The following RNF150 variants were observed in gnomAD, a reference collection of about 807,000 sequenced individuals.
RNF150 encodes the protein ring finger protein 150.
A neutral mutation model predicts 39.3 loss-of-function variants in RNF150; 24 were observed. The ratio of observed to expected loss-of-function variants is 0.61; its 90% CI spans 0.44 to 0.86. The LOEUF is 0.86. Among genes scored for constraint, RNF150 ranks in the 40% least tolerant of loss-of-function variants. The pLI, the probability that RNF150 is intolerant of heterozygous loss-of-function variation, is 0.00. For missense variants in RNF150, 502 were observed against 587.8 expected (o/e 0.85, Z 1.51); for synonymous variants, 255 against 227.3 (o/e 1.12, Z -1.10).
intron 1 of RNF150, among the ~76,000 whole-genome samples, chr4:140,974,474 T>G (rs1176166913): frequency 6.6e-6 from 1 of 152,202 alleles, no homozygotes; most frequent in Non-Finnish European, 1.5e-5. Flanking sequence ...TGAACATTAG[T>G]TTTTGGATGA....
chr4:140,974,695 A>G (rs1222131648), intron 1 of RNF150, among the ~76,000 whole-genome samples: 4 of 152,142 alleles, frequency 2.6e-5, no homozygotes, highest in Admixed American at 1.3e-4. Flanking sequence ...AGCCATCCTG[A>G]GAGGTGTACA....
At chr4:141,053,232 A>G (rs1192604377) in intron 1 of RNF150, among the ~76,000 whole-genome samples, 3 of 152,192 alleles carry the variant, frequency 2.0e-5, no homozygotes, top group Non-Finnish European at 4.4e-5. Flanking sequence ...CATACTCGAT[A>G]CAGATCACTG....
intron 1 of RNF150, among the ~76,000 whole-genome samples, chr4:141,125,787 C>A (rs1432425972): frequency 6.6e-6 from 1 of 152,072 alleles, no homozygotes; most frequent in Non-Finnish European, 1.5e-5. Flanking sequence ...AAATTACTTC[C>A]TTTTTGAGAA....
At chr4:141,032,540 A>G (rs747448192) in intron 1 of RNF150, among the ~76,000 whole-genome samples, 27 of 152,292 alleles carry the variant, frequency 1.8e-4, no homozygotes, top group Non-Finnish European at 3.4e-4. Flanking sequence ...AGGGTATACC[A>G]AAACATCACA....
chr4:140,928,703 C>T (rs1160251616), intron 4 of RNF150, among the ~76,000 whole-genome samples: 3 of 152,226 alleles, frequency 2.0e-5, no homozygotes, highest in East Asian at 1.9e-4. Flanking sequence ...CCTGCCACCA[C>T]GCCCAGCTAT....
At chr4:141,162,635 G>A (rs1334937333) in intron 1 of RNF150, among the ~76,000 whole-genome samples, 2 of 152,036 alleles carry the variant, frequency 1.3e-5, no homozygotes, top group Non-Finnish European at 2.9e-5. Context: ...TGGTTAGAGA[G>A]TGGGTGCAGC....
Position 140,911,201 on chromosome 4 carries a change from C to T in RNF150, c.1141G>A (p.Val381Met). 6.2e-7 allele frequency: 1 copy of T among 1,614,184 alleles called. No homozygotes were observed. Among genetic ancestry groups the T allele is most frequent in the Non-Finnish European group, 8.5e-7 (1 of 1,180,030 alleles). Residue 381 changes from valine (V) to methionine (M), a missense_variant, in exon 6 of 7, where the codon GTG becomes ATG. Val to Met is a conservative substitution (Grantham distance 21). Coordinates refer to ENST00000515673, the MANE Select transcript of RNF150 (RefSeq NM_020724.2). ...GGGATGGGGTCTGTATCCTGGACCA[C>T]CTGCAAGGCTCCCACAGTCCGGACA... The part of the protein sequence containing the change: ...PAVRTVGALQ[V>M]VQDTDPIPQE...
At chr4:140,921,695 T>A (rs1159161666) in intron 5 of RNF150, among the ~76,000 whole-genome samples, 2 of 152,152 alleles carry the variant, frequency 1.3e-5, no homozygotes, top group African/African-American at 4.8e-5. Context: ...ATATCCTTGA[T>A]GAACATTGAT....
intron 1 of RNF150, among the ~76,000 whole-genome samples, chr4:141,113,948 T>G (rs1739469285): frequency 6.6e-6 from 1 of 151,998 alleles, no homozygotes; most frequent in South Asian, 2.1e-4. Context: ...ACAAATAACT[T>G]CTTCGAAACC....
chr4:141,039,070 G>C (rs962120210), intron 1 of RNF150, among the ~76,000 whole-genome samples: 3 of 152,182 alleles, frequency 2.0e-5, no homozygotes, highest in African/African-American at 7.2e-5. Context: ...AAAAGCCCAC[G>C]TGCAGTGGGT....
chr4:140,903,458 C>A (rs542545877), intron 6 of RNF150, among the ~76,000 whole-genome samples: 52 of 152,232 alleles, frequency 3.4e-4, no homozygotes, highest in Middle Eastern at 6.8e-3. Context: ...AATCGAAATG[C>A]AAACACAAAT....
rs371566778 is a variant in RNF150, at chr4:141,168,494, G to T, written c.-6+44300C>A. ...ATGCTACTATAAAGACATATGCACA[G>T]GTTTGTTTATTGCAGCACTATTCAC... On this transcript the variant is annotated intron_variant, in intron 1 of 7. Transcript: ENST00000420921. 2.6e-5 allele frequency among the ~76,000 whole-genome samples: 4 copies of T among 152,148 alleles called. No homozygotes were observed. In the East Asian group the frequency reaches 5.8e-4, roughly 22 times the overall value.
chr4:140,959,871 C>T (rs537404940), intron 2 of RNF150, among the ~76,000 whole-genome samples: 11 of 151,910 alleles, frequency 7.2e-5, no homozygotes, highest in Non-Finnish European at 1.0e-4. Flanking sequence ...GAGGTGAGGC[C>T]GTATTAGAGT....
chr4:141,147,924 C>G (rs1727229508), intron 1 of RNF150, among the ~76,000 whole-genome samples: 1 of 152,104 alleles, frequency 6.6e-6, no homozygotes. Context: ...AAGTTTTCTC[C>G]CAGGAGTTGA....
chr4:141,082,520 C>T (rs1231640797), intron 1 of RNF150, among the ~76,000 whole-genome samples: 1 of 152,234 alleles, frequency 6.6e-6, no homozygotes, highest in Non-Finnish European at 1.5e-5. Context: ...CTTTCTACCT[C>T]AGAGCAGGAA....
intron 1 of RNF150, among the ~76,000 whole-genome samples, chr4:141,194,770 C>G (rs1728170258): frequency 6.6e-6 from 1 of 152,110 alleles, no homozygotes; most frequent in African/African-American, 2.4e-5. Flanking sequence ...AGTTAATCTT[C>G]ACACTATTCA....
At chr4:141,168,169 A>T (rs1022781870) in intron 1 of RNF150, among the ~76,000 whole-genome samples, 5 of 152,242 alleles carry the variant, frequency 3.3e-5, no homozygotes, top group African/African-American at 1.2e-4. Context: ...GAAGACATTT[A>T]TGTGGCCAGC....
chr4:141,023,166 T>C (rs1231967434), intron 1 of RNF150, among the ~76,000 whole-genome samples: 6 of 152,126 alleles, frequency 3.9e-5, no homozygotes, highest in African/African-American at 1.2e-4. Context: ...AATAAAAATA[T>C]GTGTGTGACA....
intron 1 of RNF150, among the ~76,000 whole-genome samples, chr4:141,005,245 C>A (rs1734820646): frequency 6.6e-6 from 1 of 152,078 alleles, no homozygotes; most frequent in African/African-American, 2.4e-5. Flanking sequence ...TTTGAGAAAT[C>A]CAAGTAGAGA....
Sources: gnomAD v4.1 joint callset for allele counts (sites outside exome capture counted in the v4.1 genomes callset) on GRCh38, gnomAD v4.1.1 for gene constraint, MANE v1.5 for transcripts, NCBI Gene and HGNC (gene_info 2026-07-23, HGNC 2026-07-21) for gene names.